Variants in RBFOX1 observed in about 807,000 individuals in gnomAD.
The protein encoded by RBFOX1 is RNA binding fox-1 homolog 1.
A neutral mutation model predicts 57.7 loss-of-function variants in RBFOX1; 8 were observed. The observed-to-expected ratio is 0.14, with a 90% CI of 0.08 to 0.25. The LOEUF is 0.25. Among genes scored for constraint, RBFOX1 ranks in the 10% least tolerant of loss-of-function variants. The pLI is 1.00. For synonymous variants in RBFOX1, 326 were observed against 222.4 expected (o/e 1.47, Z -4.15); for missense variants, 611 against 548.5 (o/e 1.11, Z -1.14).
intron 1 of RBFOX1, among the ~76,000 whole-genome samples, chr16:6,218,474 A>G (rs2097350678): frequency 6.6e-6 from 1 of 151,854 alleles, no homozygotes; most frequent in African/African-American, 2.4e-5. Context: ...ACACCTGGCT[A>G]ATTTTTGTGT....
chr16:7,160,810 T>TCTCCCTC (rs201530809), intron 4 of RBFOX1, among the ~76,000 whole-genome samples: 7 of 142,624 alleles, frequency 4.9e-5, no homozygotes, highest in South Asian at 2.6e-4. Context: ...CCCCCTTTCT[T>TCTCCCTC]CTCCCTCCTC....
At chr16:5,943,991 C>G (rs1446267915) in intron 4 of RBFOX1, among the ~76,000 whole-genome samples, 2 of 150,756 alleles carry the variant, frequency 1.3e-5, no homozygotes, top group African/African-American at 4.9e-5. Context: ...ATCTTTCCAT[C>G]CACCCATCCA....
At chr16:5,554,044 A>G (rs186883466) in intron 2 of RBFOX1, among the ~76,000 whole-genome samples, 1 of 149,638 alleles carries the variant, frequency 6.7e-6, no homozygotes, top group Admixed American at 6.7e-5. Flanking sequence ...ATCTCAGCTC[A>G]CTGCAACCTC....
chr16:6,235,057 G>A (rs1006178774), intron 1 of RBFOX1, among the ~76,000 whole-genome samples: 1 of 152,060 alleles, frequency 6.6e-6, no homozygotes, highest in Non-Finnish European at 1.5e-5. Flanking sequence ...CAGGGACATT[G>A]GTAAATTCAG....
At chr16:5,941,228 G>T (rs933883281) in intron 4 of RBFOX1, among the ~76,000 whole-genome samples, 2 of 152,130 alleles carry the variant, frequency 1.3e-5, no homozygotes, top group African/African-American at 4.8e-5. Flanking sequence ...GATTGCTCAT[G>T]TTTGTAATCC....
chr16:6,873,400 A>G (rs891398116), intron 3 of RBFOX1, among the ~76,000 whole-genome samples: 10 of 152,118 alleles, frequency 6.6e-5, no homozygotes, highest in African/African-American at 2.2e-4. Flanking sequence ...GCAGAATGCA[A>G]TTAAAGAAGA....
In RBFOX1 at chr16:5,662,676, T is replaced by G. The variant is rs1259335288; in HGVS notation, c.318+63715T>G. Among the ~76,000 whole-genome samples, 13 of 152,190 alleles carry G rather than the reference T, an allele frequency of 8.5e-5. 1 individual carries two copies. The highest frequency in any genetic ancestry group is 8.5e-4 in the Admixed American group (13 of 15,276). On this transcript the variant is annotated intron_variant, in intron 3 of 19. Transcript: ENST00000641259. ...CTTAAAACACATGAAATATGGAGAA[T>G]TGTGTGGAATTTTTTGAATGTTTCT...
At chr16:5,655,679 G>C (rs2049403819) in intron 3 of RBFOX1, among the ~76,000 whole-genome samples, 2 of 152,288 alleles carry the variant, frequency 1.3e-5, no homozygotes, top group South Asian at 4.1e-4. Flanking sequence ...GAGTGCATTT[G>C]TACCTCTTTC....
intron 2 of RBFOX1, among the ~76,000 whole-genome samples, chr16:6,353,302 C>G (rs1002690068): frequency 6.6e-6 from 1 of 151,930 alleles, no homozygotes; most frequent in Non-Finnish European, 1.5e-5. Context: ...CCAATAAACT[C>G]CTTTAGCTCT....
intron 2 of RBFOX1, among the ~76,000 whole-genome samples, chr16:5,529,725 C>G (rs1597411719): frequency 6.6e-6 from 1 of 152,128 alleles, no homozygotes; most frequent in East Asian, 1.9e-4. Context: ...TGCCACCACG[C>G]CTGGCTAATT....
chr16:7,668,730 T>C (rs534833612), intron 13 of RBFOX1, among the ~76,000 whole-genome samples: 1 of 152,298 alleles, frequency 6.6e-6, no homozygotes, highest in African/African-American at 2.4e-5. Flanking sequence ...ATGAAACATA[T>C]CAAATCTTTT....
chr16:7,275,754 T>C (rs1404681722), intron 4 of RBFOX1, among the ~76,000 whole-genome samples: 1 of 152,212 alleles, frequency 6.6e-6, no homozygotes, highest in Non-Finnish European at 1.5e-5. Context: ...CATCAAAATA[T>C]CCACTTTGTG....
chr16:6,829,803 C>T (rs550257275), intron 3 of RBFOX1, among the ~76,000 whole-genome samples: 4 of 152,266 alleles, frequency 2.6e-5, no homozygotes, highest in East Asian at 1.9e-4. Context: ...GATTTCGCCA[C>T]GTTGGCCAGG....
At chr16:6,974,237 C>G (rs906175056) in intron 3 of RBFOX1, among the ~76,000 whole-genome samples, 1 of 151,386 alleles carries the variant, frequency 6.6e-6, no homozygotes, top group South Asian at 2.1e-4. Context: ...GTTGTAACCC[C>G]TATGAATGCA....
intron 4 of RBFOX1, among the ~76,000 whole-genome samples, chr16:5,957,381 A>C (rs539964156): frequency 5.3e-4 from 81 of 151,884 alleles, no homozygotes; most frequent in African/African-American, 1.8e-3. Context: ...TGCCCAGCTA[A>C]TTTTTGTATT....
intron 2 of RBFOX1, among the ~76,000 whole-genome samples, chr16:6,603,403 C>T (rs1030920377): frequency 8.5e-5 from 13 of 152,156 alleles, no homozygotes; most frequent in Admixed American, 2.0e-4. Context: ...AATATGAAGG[C>T]CACCATCTCC....
At chr16:6,275,807 G>C (rs1002253323) in intron 1 of RBFOX1, among the ~76,000 whole-genome samples, 1 of 152,102 alleles carries the variant, frequency 6.6e-6, no homozygotes, top group South Asian at 2.1e-4. Context: ...GTATGATAAA[G>C]GTAACTGACC....
chr16:6,881,539 G>T (rs1011410454), intron 3 of RBFOX1, among the ~76,000 whole-genome samples: 1 of 152,106 alleles, frequency 6.6e-6, no homozygotes, highest in Non-Finnish European at 1.5e-5. Flanking sequence ...ATGCATGTCT[G>T]TGTCCAAACA....
intron 3 of RBFOX1, among the ~76,000 whole-genome samples, chr16:5,807,875 G>C (rs2055284451): frequency 6.6e-6 from 1 of 152,174 alleles, no homozygotes; most frequent in Non-Finnish European, 1.5e-5. Flanking sequence ...GAGGAGCAGG[G>C]AGCTGGACAA....
Sources: gnomAD v4.1 joint callset for allele counts (sites outside exome capture counted in the v4.1 genomes callset) on GRCh38, gnomAD v4.1.1 for gene constraint, MANE v1.5 for transcripts, NCBI Gene and HGNC (gene_info 2026-07-23, HGNC 2026-07-21) for gene names.